Variants in MAP4 observed in about 807,000 individuals in gnomAD.
The protein encoded by MAP4 is microtubule associated protein 4.
MAP4 carries 76 observed loss-of-function variants against 170.2 expected under a neutral mutation model. The observed-to-expected ratio is 0.45, with a 90% confidence interval of 0.37 to 0.54. The LOEUF is 0.54. MAP4 is among the 20% of genes least tolerant of loss of function. The pLI is 0.00. For missense variants in MAP4, 2,506 were observed against 2,748.0 expected (o/e 0.91, Z 1.97); for synonymous variants, 909 against 994.5 (o/e 0.91, Z 1.62).
intron 1 of MAP4, among the ~76,000 whole-genome samples, chr3:48,036,350 C>T (rs1431773351): frequency 3.3e-5 from 5 of 152,196 alleles, no homozygotes; most frequent in Non-Finnish European, 7.3e-5. Context: ...GCTCCCTTCA[C>T]CAACACCACT....
At chr3:47,937,068 C>T (rs1193489756) in intron 3 of MAP4, among the ~76,000 whole-genome samples, 2 of 151,236 alleles carry the variant, frequency 1.3e-5, no homozygotes, top group East Asian at 1.9e-4. Context: ...TTGGGTGTGA[C>T]CTTAAGACTG....
At chr3:48,087,745 G>GCACACACACACACA (rs1171639123) in intron 1 of MAP4, among the ~76,000 whole-genome samples, 1 of 105,678 alleles carries the variant, frequency 9.5e-6, no homozygotes, top group African/African-American at 3.2e-5. Flanking sequence ...ACACGCACGC[G>GCACACACACACACA]CACACACACA....
chr3:48,056,497 C>G (rs1297831650), intron 1 of MAP4, among the ~76,000 whole-genome samples: 29 of 52,868 alleles, frequency 5.5e-4, no homozygotes, highest in African/African-American at 3.0e-3. Context: ...TGGGGGGGGT[C>G]AGCCCTCCCC....
intron 3 of MAP4, among the ~76,000 whole-genome samples, chr3:47,936,459 G>A (rs1360244092): frequency 6.6e-6 from 1 of 151,068 alleles, no homozygotes; most frequent in Non-Finnish European, 1.5e-5. Context: ...AAAAGGGGGA[G>A]GAGAAAGGAG....
chr3:47,896,137 C>T (rs936122067), intron 10 of MAP4, among the ~76,000 whole-genome samples: 5 of 152,162 alleles, frequency 3.3e-5, no homozygotes, highest in Non-Finnish European at 7.3e-5. Context: ...CAACAAAACA[C>T]ATAGCCGTGA....
At position 47,914,860 on chromosome 3, in the gene MAP4, T is replaced by G. The variant is rs1217597288; in HGVS notation, c.1956A>C (p.Lys652Asn). The part of the protein sequence containing the change: ...DSVLEKLGER[K>N]PCNSQPSELS... ...GCTCAGAAGGTTGACTGTTGCATGG[T>G]TTCCTTTCCCCTAGTTTTTCTAACA... The change falls in exon 8 of 21, where the codon AAA becomes AAC. Residue 652 changes from lysine to asparagine, a missense_variant. Physicochemically the swap from Lys to Asn is moderately conservative, Grantham distance 94 (BLOSUM62 0). Coordinates refer to ENST00000683076, the MANE Select transcript of MAP4 (RefSeq NM_001385682.1). 6.8e-6 allele frequency: 11 copies of G among 1,614,020 alleles called. No homozygotes were observed. Among genetic ancestry groups the G allele is most frequent in the Non-Finnish European group, 9.3e-6 (11 of 1,180,044 alleles).
At chr3:47,854,934 C>T (rs2052263409) in intron 19 of MAP4, among the ~76,000 whole-genome samples, 1 of 152,218 alleles carries the variant, frequency 6.6e-6, no homozygotes, top group South Asian at 2.1e-4. Context: ...CCCCCGCTCG[C>T]CTGGGGGTGG....
In MAP4 at chr3:47,851,230, C is replaced by G. The variant is rs976605274; in HGVS notation, c.*1704G>C. ...GGAAAGCTGGTCCCCCTGGCCCAGG[C>G]AGCACTTCCTCCGTGAGCCCCTGCA... On this transcript the variant is annotated 3_prime_UTR_variant, in exon 21 of 21. Transcript: ENST00000683076. The G allele has an allele frequency of 2.0e-5, 3 of 152,286 alleles. No homozygotes were observed. The highest frequency in any genetic ancestry group is 7.2e-5 in the African/African-American group (3 of 41,464). The allele number at this position is 152,286 out of a possible 1,614,324, so 9.4% of individuals were successfully genotyped here.
chr3:48,075,322 C>G (rs1365121742), intron 1 of MAP4, among the ~76,000 whole-genome samples: 3 of 151,986 alleles, frequency 2.0e-5, no homozygotes, highest in Non-Finnish European at 2.9e-5. Flanking sequence ...GTCAGGAGTT[C>G]AAGACCCGTC....
intron 1 of MAP4, among the ~76,000 whole-genome samples, chr3:48,044,562 A>C (rs939464200): frequency 3.3e-5 from 5 of 151,870 alleles, no homozygotes; most frequent in African/African-American, 9.7e-5. Context: ...CAGGAGTTCG[A>C]GACCACCCTG....
intron 1 of MAP4, among the ~76,000 whole-genome samples, chr3:48,023,046 C>T (rs1485857867): frequency 6.6e-6 from 1 of 152,038 alleles, no homozygotes; most frequent in Non-Finnish European, 1.5e-5. Context: ...AAATGCAATC[C>T]TAGGATGACG....
intron 1 of MAP4, among the ~76,000 whole-genome samples, chr3:48,056,156 A>G (rs2100131266): frequency 3.3e-5 from 4 of 122,768 alleles, no homozygotes; most frequent in Admixed American, 7.8e-5. Flanking sequence ...CCCATCCGGG[A>G]GGGAGGTGGG....
At position 47,973,874 on chromosome 3, in the gene MAP4, AAG is replaced by A. The variant is rs2100080315; in HGVS notation, c.292+3989_292+3990del. ...TCTTTGATGGTGTATTCTCTATGGC[AAG>A]AGAGTTTTAATATTTTATCAACTGC... On this transcript the variant is annotated intron_variant, in intron 3 of 20. Coordinates refer to ENST00000683076, the MANE Select transcript of MAP4 (RefSeq NM_001385682.1). The A allele has an allele frequency of 4.1e-6, 4 of 985,138 alleles. No individual in the cohort carries two copies. The South Asian group carries it at 1.4e-4, about 35-fold the overall frequency. The allele number at this position is 985,138 out of a possible 1,614,324, so 61.0% of individuals were successfully genotyped here. A position where few individuals can be genotyped will look rare whatever the true frequency, so the allele number is the denominator to read the frequency against.
At chr3:48,052,057 C>T (rs746601441) in intron 1 of MAP4, among the ~76,000 whole-genome samples, 1 of 152,140 alleles carries the variant, frequency 6.6e-6, no homozygotes, top group Non-Finnish European at 1.5e-5. Flanking sequence ...CCAGTTGTGA[C>T]CCATGAGAAT....
chr3:47,903,661 A>C lies in MAP4; in HGVS notation c.5384-661T>G, dbSNP rs138550945. Among the ~76,000 whole-genome samples, 3 of 152,382 alleles carry C rather than the reference A, an allele frequency of 2.0e-5. No individual in the cohort carries two copies. In the East Asian group the frequency reaches 5.8e-4, roughly 29 times the overall value. On this transcript the variant is annotated intron_variant, in intron 9 of 20. Coordinates refer to ENST00000683076, the MANE Select transcript of MAP4 (RefSeq NM_001385682.1). ...GAAACCTTCTGTTAAAGTTTCCCTA[A>C]ATTTGACAGCAGCATGAAAAAATAA... is the stretch of plus-strand genomic sequence containing the variant.
intron 1 of MAP4, among the ~76,000 whole-genome samples, chr3:48,088,464 C>A (rs1443244993): frequency 6.6e-6 from 1 of 152,198 alleles, no homozygotes; most frequent in Non-Finnish European, 1.5e-5. Flanking sequence ...CGGCTCAGCC[C>A]CATCCAGAGC....
chr3:47,934,548 C>G (rs1470369957), intron 3 of MAP4, among the ~76,000 whole-genome samples: 1 of 152,120 alleles, frequency 6.6e-6, no homozygotes, highest in Non-Finnish European at 1.5e-5. Context: ...GGAGTCCACC[C>G]ATCTTGGCCT....
intron 7 of MAP4, among the ~76,000 whole-genome samples, chr3:47,915,385 G>C (rs1323272215): frequency 6.6e-6 from 1 of 152,138 alleles, no homozygotes; most frequent in Non-Finnish European, 1.5e-5. Context: ...CAAAGTGCTG[G>C]GATTACAGGT....
intron 1 of MAP4, among the ~76,000 whole-genome samples, chr3:48,014,946 T>C (rs1377018408): frequency 1.3e-5 from 2 of 152,134 alleles, no homozygotes; most frequent in Admixed American, 6.5e-5. Context: ...AAAAATATTA[T>C]GGCAACATGG....
Sources: gnomAD v4.1 joint callset for allele counts (sites outside exome capture counted in the v4.1 genomes callset) on GRCh38, gnomAD v4.1.1 for gene constraint, MANE v1.5 for transcripts, NCBI Gene and HGNC (gene_info 2026-07-23, HGNC 2026-07-21) for gene names.